Variants in POSTN observed in about 807,000 individuals in gnomAD.
POSTN encodes periostin.
POSTN carries 71 observed loss-of-function variants against 104.5 expected under a neutral mutation model. The ratio of observed to expected loss-of-function variants is 0.68; its 90% CI spans 0.56 to 0.83. The LOEUF (loss-of-function observed/expected upper bound fraction) is 0.83, where lower values mean the gene tolerates loss of function less well. Ranked by LOEUF, POSTN falls within the 40% of genes least tolerant of loss-of-function variation. POSTN has a pLI of 0.00. For missense variants in POSTN, 949 were observed against 1,006.8 expected, an observed-to-expected ratio of 0.94 and a Z score of 0.78; for synonymous variants, 355 against 340.7, an observed-to-expected ratio of 1.04 and a Z score of -0.46.
intron 8 of POSTN, 50 bp downstream of exon 8, chr13:37,584,666 A>T (rs1187828738): frequency 7.0e-7 from 1 of 1,434,796 alleles, no homozygotes; most frequent in Admixed American, 1.8e-5. Flanking sequence ...CATAATTAGT[A>T]AATTACAGTA....
intron 22 of POSTN, among the ~76,000 whole-genome samples, chr13:37,563,619 A>T (rs1219187006): frequency 1.3e-5 from 2 of 152,110 alleles, no homozygotes; most frequent in African/African-American, 4.8e-5. Context: ...GGATATTTAC[A>T]TAGATTTACT....
rs780822967 is a variant in POSTN at position 37,598,636 on chromosome 13, G to A, written c.91C>T (p.His31Tyr). 1.9e-6 allele frequency: 3 copies of A among 1,613,124 alleles called. No homozygotes were observed. The highest frequency in any genetic ancestry group is 2.2e-5 in the South Asian group (2 of 90,996). Residue 31 changes from histidine (H) to tyrosine (Y), a missense_variant, in exon 1 of 23, where the codon CAT becomes TAT. His to Tyr is a moderately conservative substitution (Grantham distance 83). Transcript: ENST00000379747. ...TGGTCCCGACCCCTGATACGACTAT[G>A]AGCCAAGATCTTGTCATAATGATTG... is the stretch of plus-strand genomic sequence containing the variant. ...ANNHYDKILAHSRIRGRDQGP... is the reference protein window; with the variant it reads ...ANNHYDKILAYSRIRGRDQGP...
intron 17 of POSTN, among the ~76,000 whole-genome samples, chr13:37,574,309 T>A (rs1179058146): frequency 2.0e-5 from 3 of 151,812 alleles, no homozygotes; most frequent in African/African-American, 7.2e-5. Flanking sequence ...AGTATCTGTA[T>A]ACTAAGTTAA....
At position 37,563,269 on chromosome 13, in the gene POSTN, A is replaced by T. The variant is rs1188007517; in HGVS notation, c.*64T>A. 8.4e-7 allele frequency: 1 copy of T among 1,185,086 alleles called. No homozygotes were observed. Among genetic ancestry groups the T allele is most frequent in the Non-Finnish European group, 1.2e-6 (1 of 832,314 alleles). The allele number at this position is 1,185,086 out of a possible 1,614,324, so 73.4% of individuals were successfully genotyped here. On this transcript the variant is annotated 3_prime_UTR_variant, in exon 23 of 23. Transcript: ENST00000379747. The stretch of plus-strand genomic sequence containing the variant: ...TTCCTGAAGTCAACTTGGCTCTCAC[A>T]ATTTTCTAAGGTCAGGTTATTGACT...
intron 18 of POSTN, 63 bp from the exon 19 acceptor site, chr13:37,570,732 G>A (rs1950239295): frequency 1.0e-6 from 1 of 990,266 alleles, no homozygotes; most frequent in Non-Finnish European, 1.6e-6. Context: ...ACATCCATAA[G>A]CTAGACATTG....
intron 21 of POSTN, among the ~76,000 whole-genome samples, chr13:37,568,195 A>G (rs1234454779): frequency 6.6e-6 from 1 of 152,036 alleles, no homozygotes; most frequent in African/African-American, 2.4e-5. Context: ...TCTGGGAGGA[A>G]ACTTGTATTT....
chr13:37,564,189 T>TACA (rs1243122856), intron 22 of POSTN, among the ~76,000 whole-genome samples: 1 of 48,668 alleles, frequency 2.1e-5, no homozygotes, highest in Non-Finnish European at 4.9e-5. Flanking sequence ...TACATATATA[T>TACA]ATATATATAT....
In POSTN at chr13:37,563,382, GA is replaced by G; in HGVS notation, c.2474-13del. 1 of 1,563,478 alleles carries G rather than the reference GA, an allele frequency of 6.4e-7. No homozygotes were observed. Among genetic ancestry groups the G allele is most frequent in the Non-Finnish European group, 8.8e-7 (1 of 1,141,628 alleles). On this transcript the variant is annotated splice_polypyrimidine_tract_variant and intron_variant, in intron 22 of 22. Coordinates refer to ENST00000379747, the MANE Select transcript of POSTN (RefSeq NM_006475.3). ...TCGTCTTCTAGATCCTAATTAGAAA[GA>G]AAGGAGAATGTATAGACTGTAAATG...
chr13:37,598,312 T>C (rs1951143881), intron 1 of POSTN, among the ~76,000 whole-genome samples: 1 of 152,064 alleles, frequency 6.6e-6, no homozygotes. Flanking sequence ...AATAAAAACA[T>C]AAATAAATGG....
At chr13:37,577,840 G>A in intron 15 of POSTN, 42 bp from the exon 16 acceptor site, 1 of 1,610,178 alleles carries the variant, frequency 6.2e-7, no homozygotes, top group Non-Finnish European at 8.5e-7. Flanking sequence ...AAAGGTGATA[G>A]TTGTGTTAAC....
At chr13:37,588,130 A>G in intron 4 of POSTN, 144 bp from the exon 5 acceptor site, 1 of 680,864 alleles carries the variant, frequency 1.5e-6, no homozygotes, top group Non-Finnish European at 2.4e-6. Context: ...ACTTAAAATT[A>G]TATTATTCTA....
intron 18 of POSTN, 100 bp from the exon 19 acceptor site, chr13:37,570,769 A>ATAG: frequency 1.3e-6 from 1 of 754,482 alleles, no homozygotes; most frequent in Non-Finnish European, 2.2e-6. Context: ...TTCTACAAAT[A>ATAG]TTACCATTTA....
At chr13:37,586,053 CTA>C in intron 7 of POSTN, 84 bp downstream of exon 7, 2 of 1,309,944 alleles carry the variant, frequency 1.5e-6, no homozygotes, top group Non-Finnish European at 2.0e-6. Flanking sequence ...CTTATTAAAA[CTA>C]ATATTATTGG....
chr13:37,574,791 C>T, intron 16 of POSTN, 139 bp from the exon 17 acceptor site: 1 of 1,149,490 alleles, frequency 8.7e-7, no homozygotes, highest in South Asian at 1.9e-5. Context: ...CAGTCAGATA[C>T]AGGAAATATT....
intron 9 of POSTN, 63 bp from the exon 10 acceptor site, chr13:37,582,577 G>C: frequency 7.1e-7 from 1 of 1,406,744 alleles, no homozygotes; most frequent in Non-Finnish European, 9.6e-7. Context: ...GTTTCTCCCG[G>C]TAAGACAGAA....
intron 8 of POSTN, 146 bp downstream of exon 8, chr13:37,584,570 G>A: frequency 1.5e-6 from 1 of 683,934 alleles, no homozygotes; most frequent in Non-Finnish European, 2.4e-6. Context: ...GAGTGCTCAA[G>A]TAGCTCACTA....
At chr13:37,564,627 G>T in intron 21 of POSTN, 67 bp from the exon 22 acceptor site, 1 of 901,414 alleles carries the variant, frequency 1.1e-6, no homozygotes, top group Non-Finnish European at 1.9e-6. Context: ...GGAGACCATG[G>T]TTAAACAGAA....
At chr13:37,598,545 C>G (rs887501892) in intron 1 of POSTN, 63 bp downstream of exon 1, 60 of 1,499,636 alleles carry the variant, frequency 4.0e-5, no homozygotes, top group Non-Finnish European at 5.3e-5. Flanking sequence ...TTTATGCATA[C>G]TTGAACATCT....
chr13:37,563,254 C>A lies in POSTN; in HGVS notation c.*79G>T. ...GTGCTGATGTTTCAGTTCCTGAAGT[C>A]AACTTGGCTCTCACAATTTTCTAAG... On this transcript the variant is annotated 3_prime_UTR_variant, in exon 23 of 23. Coordinates refer to ENST00000379747, the MANE Select transcript of POSTN (RefSeq NM_006475.3). 3 of 895,914 alleles carry A rather than the reference C, an allele frequency of 3.3e-6. No homozygotes were observed. In the South Asian group the frequency reaches 5.7e-5, roughly 17 times the overall value. The allele number at this position is 895,914 out of a possible 1,614,324, so 55.5% of individuals were successfully genotyped here.
Sources: gnomAD v4.1 joint callset for allele counts (sites outside exome capture counted in the v4.1 genomes callset) on GRCh38, gnomAD v4.1.1 for gene constraint, MANE v1.5 for transcripts, NCBI Gene and HGNC (gene_info 2026-07-23, HGNC 2026-07-21) for gene names.